TEAD4: variants seen among roughly 807,000 people sequenced by gnomAD.
TEAD4 encodes the protein transcriptional enhancer factor TEF-3.
In TEAD4, 36 loss-of-function variants were observed where a neutral mutation model predicts 52.4. The ratio of observed to expected loss-of-function variants is 0.69; its 90% CI spans 0.53 to 0.91. The LOEUF (loss-of-function observed/expected upper bound fraction) is 0.91. Ranked by LOEUF, TEAD4 falls within the 40% of genes least tolerant of loss-of-function variation. The pLI is 0.00. For synonymous variants in TEAD4, 220 were observed against 231.0 expected (o/e 0.95, Z 0.43); for missense variants, 508 against 583.9 (o/e 0.87, Z 1.34).
At chr12:2,976,786 G>A (rs1057501402) in intron 2 of TEAD4, among the ~76,000 whole-genome samples, 2 of 152,128 alleles carry the variant, frequency 1.3e-5, no homozygotes, top group South Asian at 4.1e-4. Flanking sequence ...CCCCATTGCC[G>A]CCCGGGCCTG....
Position 2,994,380 on chromosome 12 carries a change from C to T in TEAD4, c.-29-358C>T, listed in dbSNP as rs2098245553. ...CGTGAGCCACAGCGCCCGGCCTGTA[C>T]CATTTTGCATTCCCACCAACAGTAC... On this transcript the variant is annotated intron_variant, in intron 2 of 12. Transcript: ENST00000359864. This position sits in a 1 kb window ranked among gnomAD's most constrained non-coding sequence, Gnocchi z 4.7. Among the ~76,000 whole-genome samples, 1 of 152,172 alleles carries T rather than the reference C, an allele frequency of 6.6e-6. No individual in the cohort carries two copies. The highest frequency in any genetic ancestry group is 1.5e-5 in the Non-Finnish European group (1 of 68,032).
At chr12:2,968,194 C>G (rs1297933455) in intron 2 of TEAD4, among the ~76,000 whole-genome samples, 9 of 146,204 alleles carry the variant, frequency 6.2e-5, no homozygotes, top group African/African-American at 2.2e-4. Flanking sequence ...TCAAGCGATT[C>G]TCCTGCCACA....
At chr12:3,025,792 C>T (rs117324009) in intron 10 of TEAD4, among the ~76,000 whole-genome samples, 6,126 of 152,176 alleles carry the variant, frequency 0.04, 337 homozygotes, top group African/African-American at 0.13. Flanking sequence ...CTGCCTCGGC[C>T]TTCCAAATTG....
At chr12:2,975,794 G>A (rs2098229152) in intron 2 of TEAD4, among the ~76,000 whole-genome samples, 1 of 152,136 alleles carries the variant, frequency 6.6e-6, no homozygotes, top group African/African-American at 2.4e-5. Context: ...ACAGTATCAT[G>A]CAGAATAGCA....
At chr12:2,983,248 GAC>G (rs990296457) in intron 2 of TEAD4, among the ~76,000 whole-genome samples, 2 of 152,178 alleles carry the variant, frequency 1.3e-5, no homozygotes, top group African/African-American at 4.8e-5. Flanking sequence ...TAACAATGAA[GAC>G]AATAAGAAAT....
chr12:3,010,714 G>T (rs2098259604), intron 3 of TEAD4, among the ~76,000 whole-genome samples: 1 of 152,188 alleles, frequency 6.6e-6, no homozygotes, highest in African/African-American at 2.4e-5. Context: ...ACGGTACCGG[G>T]GGTCAAGGGA....
In TEAD4 at chr12:3,040,193, C is replaced by G. The variant is rs773002468; in HGVS notation, c.1125C>G (p.His375Gln). The G allele has an allele frequency of 7.4e-6, 12 of 1,614,106 alleles. No homozygotes were observed. The East Asian group carries it at 2.7e-4, about 36-fold the overall frequency. The change falls in exon 12 of 13, where the codon CAC (histidine) becomes CAG (glutamine). Residue 375 changes from histidine to glutamine, a missense_variant. Coordinates refer to ENST00000359864, the MANE Select transcript of TEAD4 (RefSeq NM_003213.4). ...GTGAGTACATGATCAACTTCATCCA[C>G]AAGCTCAAGCACCTCCCTGAGAAGT...
At chr12:3,021,107 CCT>C (rs1388776624) in intron 9 of TEAD4, among the ~76,000 whole-genome samples, 1 of 152,046 alleles carries the variant, frequency 6.6e-6, no homozygotes, top group Non-Finnish European at 1.5e-5. Flanking sequence ...ACTGTCCCAG[CCT>C]CTCTCTGGTT....
At position 3,021,830 on chromosome 12, in the gene TEAD4, C is replaced by T; in HGVS notation, c.724-14C>T. The T allele has an allele frequency of 6.2e-7, 1 of 1,612,784 alleles. No individual in the cohort carries two copies. On this transcript the variant is annotated splice_polypyrimidine_tract_variant and intron_variant, in intron 9 of 12. Coordinates refer to ENST00000359864, the MANE Select transcript of TEAD4 (RefSeq NM_003213.4). ...GCCTGTGCTCCGTCTCCCTCAGACC[C>T]ACTCTCTCCACAGTACAACAAGCAC...
chr12:3,039,638 C>T (rs2098281464), intron 11 of TEAD4, among the ~76,000 whole-genome samples: 1 of 152,106 alleles, frequency 6.6e-6, no homozygotes, highest in Non-Finnish European at 1.5e-5. Flanking sequence ...CTGCTGGCCA[C>T]CCATGGAGAA....
At chr12:3,031,694 C>T (rs1271080531) in intron 10 of TEAD4, among the ~76,000 whole-genome samples, 1 of 152,112 alleles carries the variant, frequency 6.6e-6, no homozygotes, top group Admixed American at 6.5e-5. Context: ...CATACAGTCA[C>T]ACGTCTCATC....
chr12:3,033,135 A>C (rs76115772), intron 10 of TEAD4, among the ~76,000 whole-genome samples: 2 of 152,318 alleles, frequency 1.3e-5, no homozygotes, highest in African/African-American at 4.8e-5. Context: ...AGAGGCAATC[A>C]GAACCCCCTT....
At chr12:2,995,057 T>G in intron 3 of TEAD4, 65 bp downstream of exon 3, 1 of 1,552,780 alleles carries the variant, frequency 6.4e-7, no homozygotes. Context: ...ACCAGAACCT[T>G]GGGGTTCCTG....
chr12:2,971,538 C>T (rs2098225007), intron 2 of TEAD4, among the ~76,000 whole-genome samples: 1 of 151,258 alleles, frequency 6.6e-6, no homozygotes, highest in African/African-American at 2.4e-5. Context: ...TGCTGTGGTG[C>T]GATCTCGGCT....
chr12:2,984,828 A>G (rs1368250437), intron 2 of TEAD4, among the ~76,000 whole-genome samples: 2 of 152,218 alleles, frequency 1.3e-5, no homozygotes, highest in Non-Finnish European at 2.9e-5. Flanking sequence ...GCACACCTGT[A>G]TGGGGTACAC....
At chr12:2,966,095 G>C in intron 2 of TEAD4, among the ~76,000 whole-genome samples, 1 of 152,174 alleles carries the variant, frequency 6.6e-6, no homozygotes, top group East Asian at 1.9e-4. Context: ...TAGCCAACCT[G>C]GGTTCACTCT....
intron 5 of TEAD4, among the ~76,000 whole-genome samples, chr12:3,015,599 G>T (rs543112858): frequency 6.6e-6 from 1 of 152,264 alleles, no homozygotes; most frequent in Non-Finnish European, 1.5e-5. Flanking sequence ...TGTGGACCGC[G>T]TGGAGGCATC....
intron 2 of TEAD4, among the ~76,000 whole-genome samples, chr12:2,969,335 G>A (rs116668112): frequency 0.029 from 4,464 of 152,312 alleles, 224 homozygotes; most frequent in African/African-American, 0.1. Flanking sequence ...GAGGATGTGC[G>A]TAAGTTATGT....
chr12:2,964,917 T>TCAGGCC (rs765218872), intron 2 of TEAD4, among the ~76,000 whole-genome samples: 7 of 151,922 alleles, frequency 4.6e-5, no homozygotes, highest in Non-Finnish European at 1.0e-4. Flanking sequence ...GAATTGTGAG[T>TCAGGCC]CAGGCCACAC....
Sources: gnomAD v4.1 joint callset for allele counts (sites outside exome capture counted in the v4.1 genomes callset) on GRCh38, gnomAD v4.1.1 for gene constraint, Gnocchi (gnomAD v3.1) non-coding constraint, MANE v1.5 for transcripts, NCBI Gene and HGNC (gene_info 2026-07-23, HGNC 2026-07-21) for gene names.